BUB1B: variants seen among roughly 807,000 people sequenced by gnomAD.
BUB1B encodes the protein BUB1 mitotic checkpoint serine/threonine kinase B.
BUB1B carries 86 observed loss-of-function variants against 137.7 expected under a neutral mutation model. The ratio of observed to expected loss-of-function variants is 0.62; its 90% confidence interval spans 0.52 to 0.75. BUB1B has a LOEUF of 0.75. Ranked by LOEUF, BUB1B falls within the 30% of genes least tolerant of loss-of-function variation. BUB1B has a pLI of 0.00. For synonymous variants in BUB1B, 420 were observed against 417.9 expected (o/e 1.00, Z -0.06); for missense variants, 1,130 against 1,236.9 (o/e 0.91, Z 1.30).
chr15:40,186,659 A>C (rs2037367034), intron 8 of BUB1B, among the ~76,000 whole-genome samples: 1 of 149,510 alleles, frequency 6.7e-6, no homozygotes, highest in Non-Finnish European at 1.5e-5. Context: ...GTTAGCCAGG[A>C]TGGTCTCGAT....
chr15:40,217,526 C>T lies in BUB1B; in HGVS notation c.2709C>T (p.Asn903=). 6.2e-7 allele frequency: 1 copy of T among 1,613,974 alleles called. No individual in the cohort carries two copies. Among genetic ancestry groups the T allele is most frequent in the Non-Finnish European group, 8.5e-7 (1 of 1,179,988 alleles). ...RIHDPYDCNK[N]NQALKIVDFS... is the part of the protein sequence containing the mutation. ...ACGATCCCTATGATTGTAACAAGAA[C>T]AATCAAGCTTTGAAGATAGTGGACT... The change falls in exon 21 of 23, where the codon AAC becomes AAT. Residue 903 remains asparagine, a synonymous_variant. Coordinates refer to ENST00000287598, the MANE Select transcript of BUB1B (RefSeq NM_001211.6).
intron 8 of BUB1B, among the ~76,000 whole-genome samples, chr15:40,187,751 A>G (rs2037385562): frequency 6.6e-6 from 1 of 152,020 alleles, no homozygotes; most frequent in Non-Finnish European, 1.5e-5. Context: ...TCCACAAAAA[A>G]TTTAAAAATT....
chr15:40,174,026 GTTTA>G (rs1411623207), intron 4 of BUB1B: 1 of 399,678 alleles, frequency 2.5e-6, no homozygotes, highest in African/African-American at 2.1e-5. Flanking sequence ...CAAAAAAAAG[GTTTA>G]TTTAACTTTT....
At chr15:40,173,140 C>T (rs2037183486) in intron 4 of BUB1B, among the ~76,000 whole-genome samples, 1 of 151,734 alleles carries the variant, frequency 6.6e-6, no homozygotes, top group Non-Finnish European at 1.5e-5. Context: ...CAAAAATTAG[C>T]CGCACGTGGT....
intron 8 of BUB1B, among the ~76,000 whole-genome samples, chr15:40,187,893 C>T (rs975530182): frequency 1.3e-5 from 2 of 152,060 alleles, no homozygotes; most frequent in Admixed American, 1.3e-4. Flanking sequence ...AGAGTGAGAC[C>T]TTGTCTCAAA....
chr15:40,187,663 C>G (rs1469078627), intron 8 of BUB1B, among the ~76,000 whole-genome samples: 1 of 152,096 alleles, frequency 6.6e-6, no homozygotes, highest in Non-Finnish European at 1.5e-5. Context: ...AATTTCAGCA[C>G]TTTGGGAGGC....
intron 9 of BUB1B, among the ~76,000 whole-genome samples, chr15:40,198,381 T>C (rs1455022455): frequency 6.6e-6 from 1 of 152,198 alleles, no homozygotes; most frequent in Non-Finnish European, 1.5e-5. Context: ...CAGACCTTAA[T>C]GCTTATTTCT....
chr15:40,197,044 G>T (rs1018196047), intron 9 of BUB1B, among the ~76,000 whole-genome samples: 1 of 152,166 alleles, frequency 6.6e-6, no homozygotes, highest in Non-Finnish European at 1.5e-5. Context: ...AGTAAAGGAA[G>T]AAGTTCTGAA....
intron 9 of BUB1B, among the ~76,000 whole-genome samples, chr15:40,198,096 G>A (rs915922443): frequency 6.6e-6 from 1 of 151,948 alleles, no homozygotes. Context: ...GCAACATGGT[G>A]AATTCTCATC....
intron 20 of BUB1B, among the ~76,000 whole-genome samples, chr15:40,217,203 G>A (rs1356785878): frequency 1.3e-5 from 2 of 152,202 alleles, no homozygotes; most frequent in Non-Finnish European, 2.9e-5. Context: ...GAAGAAGCCT[G>A]TGCTCTGCTT....
At chr15:40,211,261 TTTC>T (rs2037706761) in intron 18 of BUB1B, among the ~76,000 whole-genome samples, 1 of 152,150 alleles carries the variant, frequency 6.6e-6, no homozygotes, top group East Asian at 1.9e-4. Context: ...TTGTCATCTG[TTTC>T]TTCTTGTTTT....
At chr15:40,171,533 C>T (rs924069764) in intron 4 of BUB1B, among the ~76,000 whole-genome samples, 1 of 152,122 alleles carries the variant, frequency 6.6e-6, no homozygotes, top group African/African-American at 2.4e-5. Context: ...AGTGACAGAG[C>T]AAGATCCTGT....
At chr15:40,202,322 C>G in intron 12 of BUB1B, 83 bp from the exon 13 acceptor site, 2 of 1,247,338 alleles carry the variant, frequency 1.6e-6, no homozygotes, top group Non-Finnish European at 1.2e-6. Context: ...TCAAACAACA[C>G]AAAATATTGA....
At chr15:40,172,432 T>A (rs2037174956) in intron 4 of BUB1B, among the ~76,000 whole-genome samples, 1 of 152,190 alleles carries the variant, frequency 6.6e-6, no homozygotes, top group Non-Finnish European at 1.5e-5. Context: ...ATAAAGTTGA[T>A]GAACACATAG....
In BUB1B at chr15:40,194,579, G is replaced by C. The variant is rs183808025; in HGVS notation, c.1059-1966G>C. 3.3e-5 allele frequency among the ~76,000 whole-genome samples: 5 copies of C among 152,220 alleles called. No individual in the cohort carries two copies. The East Asian group carries it at 9.6e-4, about 29-fold the overall frequency. ...TGATTCACTGAGTCTGGGAAGGACC[G>C]GTATCTTTAGTTGTACAAAGGTATA... On this transcript the variant is annotated intron_variant, in intron 8 of 22. Coordinates refer to ENST00000287598, the MANE Select transcript of BUB1B (RefSeq NM_001211.6).
At chr15:40,164,693 G>A (rs2037075011) in intron 1 of BUB1B, among the ~76,000 whole-genome samples, 1 of 147,924 alleles carries the variant, frequency 6.8e-6, no homozygotes, top group Non-Finnish European at 1.5e-5. Context: ...GAAAGAGGCA[G>A]GGTCTTGCTA....
At chr15:40,211,898 C>G (rs552494853) in intron 18 of BUB1B, among the ~76,000 whole-genome samples, 1 of 152,192 alleles carries the variant, frequency 6.6e-6, no homozygotes, top group Non-Finnish European at 1.5e-5. Flanking sequence ...TTTTGGCTCA[C>G]TGCAACCTCT....
At chr15:40,185,489 T>A (rs547246737) in intron 7 of BUB1B, 62 bp from the exon 8 acceptor site, 2 of 1,585,484 alleles carry the variant, frequency 1.3e-6, no homozygotes, top group South Asian at 2.2e-5. Flanking sequence ...TTAGCCATGG[T>A]CTATATATGC....
chr15:40,164,941 C>T (rs2037077999), intron 1 of BUB1B, 112 bp from the exon 2 acceptor site: 2 of 1,331,526 alleles, frequency 1.5e-6, no homozygotes, highest in South Asian at 1.2e-5. Flanking sequence ...TGTCAGTCCA[C>T]TATATTCAAC....
Sources: allele counts gnomAD v4.1 joint callset (sites outside exome capture counted in the v4.1 genomes callset), GRCh38; gene constraint gnomAD v4.1.1; transcripts MANE v1.5; gene names NCBI Gene and HGNC (gene_info 2026-07-23, HGNC 2026-07-21).